HPCAL1: variants seen among roughly 807,000 people sequenced by gnomAD.
HPCAL1 encodes hippocalcin like 1, also known as hippocalcin-like protein 1.
Under a neutral mutation model 17.1 loss-of-function variants are expected in HPCAL1, and 8 were observed. The ratio of observed to expected loss-of-function variants is 0.47; its 90% confidence interval spans 0.27 to 0.84. The LOEUF (loss-of-function observed/expected upper bound fraction) is 0.84, where lower values mean the gene tolerates loss of function less well. Ranked by LOEUF, HPCAL1 falls within the 40% of genes least tolerant of loss-of-function variation. HPCAL1 has a pLI of 0.13. For synonymous variants in HPCAL1, 112 were observed against 111.4 expected (o/e 1.01, Z -0.03); for missense variants, 165 against 271.1 (o/e 0.61, Z 2.75).
intron 2 of HPCAL1, among the ~76,000 whole-genome samples, chr2:10,411,013 C>G (rs1242742413): frequency 6.6e-6 from 1 of 151,794 alleles, no homozygotes; most frequent in African/African-American, 2.4e-5. Flanking sequence ...CTTCAGATTA[C>G]ATATTTCATC....
chr2:10,408,090 C>G (rs1165187110), intron 2 of HPCAL1, among the ~76,000 whole-genome samples: 1 of 152,222 alleles, frequency 6.6e-6, no homozygotes. Context: ...CCACACATTC[C>G]TCTTCCTGTC....
chr2:10,386,819 G>A (rs761907826), intron 1 of HPCAL1, among the ~76,000 whole-genome samples: 2 of 152,174 alleles, frequency 1.3e-5, no homozygotes, highest in East Asian at 3.9e-4. Flanking sequence ...CCCACCTCAG[G>A]CCCTACCCAC....
intron 1 of HPCAL1, among the ~76,000 whole-genome samples, chr2:10,366,338 C>G (rs753913140): frequency 3.9e-5 from 6 of 152,146 alleles, no homozygotes; most frequent in Non-Finnish European, 7.4e-5. Flanking sequence ...CGGGTTCAAG[C>G]GATTCTTGTG....
In HPCAL1 at chr2:10,365,966, C is replaced by A. The variant is rs2125498806; in HGVS notation, c.-110-30869C>A. 6.6e-6 allele frequency among the ~76,000 whole-genome samples: 1 copy of A among 152,306 alleles called. No homozygotes were observed. The highest frequency in any genetic ancestry group is 6.5e-5 in the Admixed American group (1 of 15,312). ...CACGCCTCATGAGGAGACGCTCACT[C>A]CCCCAGACACACTGAGTACTCTTTC... On this transcript the variant is annotated intron_variant, in intron 1 of 4. Transcript: ENST00000307845. This position sits in a 1 kb window ranked among gnomAD's most constrained non-coding sequence, Gnocchi z 4.8.
rs376488917 is a variant in HPCAL1 at position 10,346,481 on chromosome 2, C to T, written c.-111+43304C>T. 2.0e-5 allele frequency among the ~76,000 whole-genome samples: 3 copies of T among 152,086 alleles called. No homozygotes were observed. The East Asian group carries it at 5.8e-4, about 29-fold the overall frequency. ...CCCCTCTGTGGCTTTTTTCCTCTTTCAATTGGGAGGCAGTTCTGTCTTAAA... is the reference window on the plus strand; with the variant it reads ...CCCCTCTGTGGCTTTTTTCCTCTTTTAATTGGGAGGCAGTTCTGTCTTAAA... On this transcript the variant is annotated intron_variant, in intron 1 of 4. Coordinates refer to ENST00000307845, the MANE Select transcript of HPCAL1 (RefSeq NM_002149.4).
chr2:10,358,331 G>A (rs1421301153), intron 1 of HPCAL1, among the ~76,000 whole-genome samples: 1 of 152,200 alleles, frequency 6.6e-6, no homozygotes, highest in African/African-American at 2.4e-5. Context: ...GTCCAGACTG[G>A]TCCTGAACTC....
At chr2:10,409,018 A>C (rs1670156154) in intron 2 of HPCAL1, among the ~76,000 whole-genome samples, 1 of 152,240 alleles carries the variant, frequency 6.6e-6, no homozygotes, top group Admixed American at 6.5e-5. Context: ...TTAGATCCCA[A>C]ATGGTATCAT....
Position 10,330,442 on chromosome 2 carries a change from G to GGGGT in HPCAL1, c.-111+27266_-111+27269dup, listed in dbSNP as rs1311328175. Among the ~76,000 whole-genome samples, 1 of 152,102 alleles carries GGGGT rather than the reference G, an allele frequency of 6.6e-6. No individual in the cohort carries two copies. Among genetic ancestry groups the GGGGT allele is most frequent in the Non-Finnish European group, 1.5e-5 (1 of 68,008 alleles). On this transcript the variant is annotated intron_variant, in intron 1 of 4. Transcript: ENST00000307845. The surrounding 1 kb of genome is among the most constrained non-coding windows in gnomAD (Gnocchi z 4.2). Reference sequence around the variant, plus strand: ...TTAGTCAGCTCTGGCTGCTGGAAACGGGGTCATAGTCTGGGTGCCTTAAAC... The same window carrying GGGGT: ...TTAGTCAGCTCTGGCTGCTGGAAACGGGGTGGGTCATAGTCTGGGTGCCTTAAAC...
At chr2:10,345,746 T>A (rs1665395611) in intron 1 of HPCAL1, among the ~76,000 whole-genome samples, 1 of 152,206 alleles carries the variant, frequency 6.6e-6, no homozygotes, top group South Asian at 2.1e-4. Context: ...CATAAGCCAC[T>A]GCACCCATCC....
intron 1 of HPCAL1, among the ~76,000 whole-genome samples, chr2:10,383,514 C>A (rs1361276181): frequency 6.6e-6 from 1 of 152,022 alleles, no homozygotes; most frequent in East Asian, 1.9e-4. Flanking sequence ...AGGCACCTGC[C>A]ACCACACCCA....
intron 2 of HPCAL1, among the ~76,000 whole-genome samples, chr2:10,409,366 C>CTGGG (rs1415457045): frequency 6.6e-6 from 1 of 152,234 alleles, no homozygotes; most frequent in African/African-American, 2.4e-5. Flanking sequence ...CTCCCTGCAC[C>CTGGG]TGGGTCCTGG....
rs1217187365 is a variant in HPCAL1 at position 10,426,715 on chromosome 2, C to T, written c.485-9C>T. On this transcript the variant is annotated splice_polypyrimidine_tract_variant and intron_variant, in intron 4 of 4. Coordinates refer to ENST00000307845, the MANE Select transcript of HPCAL1 (RefSeq NM_002149.4). ...ACTGGCTAATCCCATTGTCTCTGGT[C>T]CCCTGCAGGCAAACTGTCCTTGGAA... 1 of 1,609,244 alleles carries T rather than the reference C, an allele frequency of 6.2e-7. No homozygotes were observed. Among genetic ancestry groups the T allele is most frequent in the South Asian group, 1.1e-5 (1 of 90,968 alleles).
intron 2 of HPCAL1, among the ~76,000 whole-genome samples, chr2:10,399,515 CGCCACCACCGCCACT>C (rs1669419320): frequency 8.1e-6 from 1 of 124,182 alleles, no homozygotes; most frequent in Non-Finnish European, 1.7e-5. Flanking sequence ...CCACCACCGC[CGCCACCACCGCCACT>C]GCCACCGCCA....
chr2:10,400,860 T>C (rs1244284195), intron 2 of HPCAL1, among the ~76,000 whole-genome samples: 1 of 152,200 alleles, frequency 6.6e-6, no homozygotes, highest in African/African-American at 2.4e-5. Flanking sequence ...CTGGGGACAT[T>C]GTCCTGGCCC....
At chr2:10,308,357 C>A (rs941398942) in intron 1 of HPCAL1, among the ~76,000 whole-genome samples, 2 of 152,104 alleles carry the variant, frequency 1.3e-5, no homozygotes, top group African/African-American at 4.8e-5. Flanking sequence ...ATAGCCATTA[C>A]CACAATCCAG....
chr2:10,326,976 G>A (rs182229632), intron 1 of HPCAL1, among the ~76,000 whole-genome samples: 14 of 152,264 alleles, frequency 9.2e-5, no homozygotes, highest in Middle Eastern at 3.4e-3. Context: ...TCTGGGTGTC[G>A]GCTCCTCGGA....
In HPCAL1 at chr2:10,419,249, T is replaced by G. The variant is rs1040382619; in HGVS notation, c.-24-485T>G. Among the ~76,000 whole-genome samples, 1 of 151,832 alleles carries G rather than the reference T, an allele frequency of 6.6e-6. No homozygotes were observed. Among genetic ancestry groups the G allele is most frequent in the Non-Finnish European group, 1.5e-5 (1 of 67,946 alleles). ...CAAATAAACAAATAAAGAAGGTGGG[T>G]GGGGGTGACTCCCTGAAAGTTTCTA... On this transcript the variant is annotated intron_variant, in intron 2 of 4. Coordinates refer to ENST00000307845, the MANE Select transcript of HPCAL1 (RefSeq NM_002149.4). This position sits in a 1 kb window ranked among gnomAD's most constrained non-coding sequence, Gnocchi z 5.0.
chr2:10,409,282 G>A (rs2125608510), intron 2 of HPCAL1, among the ~76,000 whole-genome samples: 1 of 152,236 alleles, frequency 6.6e-6, no homozygotes, highest in South Asian at 2.1e-4. Context: ...CAGGCCCTGG[G>A]AGCCTGTTCA....
intron 1 of HPCAL1, among the ~76,000 whole-genome samples, chr2:10,333,920 T>C (rs752333972): frequency 1.3e-5 from 2 of 152,196 alleles, no homozygotes; most frequent in African/African-American, 2.4e-5. Flanking sequence ...ACAGATGCTT[T>C]GTAGATATGT....
Sources: allele counts gnomAD v4.1 joint callset (sites outside exome capture counted in the v4.1 genomes callset), GRCh38; gene constraint gnomAD v4.1.1; non-coding constraint Gnocchi (gnomAD v3.1); transcripts MANE v1.5; gene names NCBI Gene and HGNC (gene_info 2026-07-23, HGNC 2026-07-21).